Variants in USH2A observed in about 807,000 individuals in gnomAD.
USH2A encodes the protein usherin.
USH2A carries 443 observed loss-of-function variants against 538.9 expected under a neutral mutation model. The ratio of observed to expected loss-of-function variants is 0.82; its 90% confidence interval spans 0.76 to 0.89. The LOEUF (loss-of-function observed/expected upper bound fraction) is 0.89. Among genes scored for constraint, USH2A ranks in the 40% least tolerant of loss-of-function variants. The pLI is 0.00. For synonymous variants in USH2A, 2,413 were observed against 2,273.5 expected (o/e 1.06, Z -1.75); for missense variants, 6,633 against 6,324.8 (o/e 1.05, Z -1.65).
Position 215,965,923 on chromosome 1 carries a change from T to TCACACACACA in USH2A, c.6958-454_6958-445dup, listed in dbSNP as rs34484768. On this transcript the variant is annotated intron_variant, in intron 36 of 71. Coordinates refer to ENST00000307340, the MANE Select transcript of USH2A (RefSeq NM_206933.4). ...ATATCTTGACTCTCTCTCTTCTCTG[T>TCACACACACA]CACACACACACACACACACACACAC... Among the ~76,000 whole-genome samples, 502 of 142,554 alleles carry TCACACACACA rather than the reference T, an allele frequency of 3.5e-3. 1 individual carries two copies. The highest frequency in any genetic ancestry group is 0.01 in the Middle Eastern group (3 of 294). The allele number at this position is 142,554 out of a possible 152,430, so 93.5% of individuals were successfully genotyped here. A position where few individuals can be genotyped will look rare whatever the true frequency, so the allele number is the denominator to read the frequency against.
Position 216,078,299 on chromosome 1 carries a change from C to T in USH2A, c.5362G>A (p.Asp1788Asn). Residue 1788 changes from aspartate to asparagine, a missense_variant, in exon 27 of 72, where the codon GAT becomes AAT. Transcript: ENST00000307340. Reference sequence around the variant, plus strand: ...CAATAGGATAGCCCCAGCAATAGATCCACTTGTGTAAAGGCAAGACTGGTA... The same window carrying T: ...CAATAGGATAGCCCCAGCAATAGATTCACTTGTGTAAAGGCAAGACTGGTA... ...LNTSLAFTQV[D>N]LLLGLSYCNG... is the part of the protein sequence containing the mutation. The T allele has an allele frequency of 6.2e-7, 1 of 1,613,692 alleles. No homozygotes were observed. The highest frequency in any genetic ancestry group is 1.1e-5 in the South Asian group (1 of 91,076).
chr1:216,224,097 C>T (rs1309818062), intron 14 of USH2A, among the ~76,000 whole-genome samples: 1 of 152,090 alleles, frequency 6.6e-6, no homozygotes. Flanking sequence ...CTCCTTAAGG[C>T]TTAAAACAAG....
rs116818154 is a variant in USH2A at position 216,057,251 on chromosome 1, C to G, written c.6050-8604G>C. On this transcript the variant is annotated intron_variant, in intron 30 of 71. Coordinates refer to ENST00000307340, the MANE Select transcript of USH2A (RefSeq NM_206933.4). ...TATTAACTCATCAACACTGCATTAC[C>G]TAATGAAATCTTTCTACATTAGCTA... 4.9e-3 allele frequency among the ~76,000 whole-genome samples: 740 copies of G among 152,268 alleles called. 6 individuals are homozygous for G. The highest frequency in any genetic ancestry group is 0.016 in the African/African-American group (681 of 41,538).
rs560096420 is a variant in USH2A at position 216,014,232 on chromosome 1, C to T, written c.6326-13670G>A. Among the ~76,000 whole-genome samples, 13 of 151,562 alleles carry T rather than the reference C, an allele frequency of 8.6e-5. No homozygotes were observed. In the South Asian group the frequency reaches 1.0e-3, roughly 12 times the overall value. On this transcript the variant is annotated intron_variant, in intron 32 of 71. Coordinates refer to ENST00000307340, the MANE Select transcript of USH2A (RefSeq NM_206933.4). The stretch of plus-strand genomic sequence containing the variant: ...GAAGAGGAGGAGGCATCAGGTTGGG[C>T]GTGGGGGGAAGGAGTAGTCATGTGT...
chr1:215,916,915 A>G (rs1426691480), intron 38 of USH2A, among the ~76,000 whole-genome samples: 4 of 152,118 alleles, frequency 2.6e-5, no homozygotes, highest in Admixed American at 6.6e-5. Flanking sequence ...TCTGCAAGAC[A>G]ATTTCAGTGA....
chr1:216,195,495 G>A (rs1020318831), intron 19 of USH2A, among the ~76,000 whole-genome samples: 5 of 152,126 alleles, frequency 3.3e-5, no homozygotes, highest in East Asian at 1.9e-4. Context: ...ACAGCAGAGC[G>A]AAGAAATCCT....
chr1:216,049,037 A>G (rs986578489), intron 30 of USH2A, among the ~76,000 whole-genome samples: 5 of 152,142 alleles, frequency 3.3e-5, no homozygotes, highest in African/African-American at 1.2e-4. Flanking sequence ...ATTTTCTTTA[A>G]CCTAGCATTT....
In USH2A at chr1:216,333,417, C is replaced by T. The variant is rs555057213; in HGVS notation, c.785-5763G>A. On this transcript the variant is annotated intron_variant, in intron 4 of 71. Coordinates refer to ENST00000307340, the MANE Select transcript of USH2A (RefSeq NM_206933.4). ...GTCAATTGAGATTATTCAGTGTGAG[C>T]AATAGAAAGAGAAAGAATGTTGAGA... Among the ~76,000 whole-genome samples the T allele has an allele frequency of 1.4e-4, 22 of 151,894 alleles. No homozygotes were observed. In the South Asian group the frequency reaches 4.4e-3, roughly 30 times the overall value.
intron 14 of USH2A, among the ~76,000 whole-genome samples, chr1:216,230,153 G>T (rs1039157176): frequency 3.9e-5 from 6 of 152,102 alleles, no homozygotes; most frequent in Non-Finnish European, 8.8e-5. Flanking sequence ...TTTTTCTCCT[G>T]GTAAATGTGG....
Position 215,626,299 on chromosome 1 carries a change from C to CTA in USH2A, c.15520-431_15520-430dup, listed in dbSNP as rs539897950. ...CTATATATTTTAGTGTATATATACA[C>CTA]TATATATATATATGTATGTATGTAT... On this transcript the variant is annotated intron_variant, in intron 71 of 71. Coordinates refer to ENST00000307340, the MANE Select transcript of USH2A (RefSeq NM_206933.4). 7.9e-3 allele frequency among the ~76,000 whole-genome samples: 1,169 copies of CTA among 148,052 alleles called. 12 individuals are homozygous for CTA. Among genetic ancestry groups the CTA allele is most frequent in the African/African-American group, 0.011 (425 of 40,462 alleles).
Position 216,073,143 on chromosome 1 carries a change from C to G in USH2A, c.5730G>C (p.Gln1910His), listed in dbSNP as rs1024370749. 2 of 1,613,790 alleles carry G rather than the reference C, an allele frequency of 1.2e-6. No individual in the cohort carries two copies. Among genetic ancestry groups the G allele is most frequent in the Non-Finnish European group, 1.7e-6 (2 of 1,179,974 alleles). ...CRGNDSILVY[Q>H]GKEQSVYEGG... ...CCTCGTAAACACTCTGCTCTTTTCC[C>G]TGGTAAACCAGGATGGAGTCATTTC... The change falls in exon 28 of 72, where the codon CAG (glutamine) becomes CAC (histidine). Residue 1910 changes from glutamine to histidine, a missense_variant. Transcript: ENST00000307340.
At chr1:215,728,530 G>C in intron 60 of USH2A, 146 bp from the exon 61 acceptor site, 1 of 760,778 alleles carries the variant, frequency 1.3e-6, no homozygotes, top group Admixed American at 2.2e-5. Flanking sequence ...AGAAAAACCA[G>C]ATGGAGAAGT....
chr1:215,751,611 C>T (rs1354128695), intron 58 of USH2A, among the ~76,000 whole-genome samples: 1 of 152,206 alleles, frequency 6.6e-6, no homozygotes, highest in African/African-American at 2.4e-5. Context: ...TTCCATGAAG[C>T]ATTTGCTATT....
intron 35 of USH2A, 120 bp downstream of exon 35, chr1:215,992,900 G>C: frequency 6.8e-7 from 1 of 1,472,928 alleles, no homozygotes; most frequent in Non-Finnish European, 9.4e-7. Flanking sequence ...TACTATCTTA[G>C]GTATTTTATG....
At chr1:216,369,662 T>C (rs1218609039) in intron 3 of USH2A, among the ~76,000 whole-genome samples, 1 of 152,054 alleles carries the variant, frequency 6.6e-6, no homozygotes, top group African/African-American at 2.4e-5. Flanking sequence ...CCTCTAATCC[T>C]AGAACTTTGG....
intron 2 of USH2A, among the ~76,000 whole-genome samples, chr1:216,419,791 G>C (rs185988342): frequency 6.6e-6 from 1 of 151,972 alleles, no homozygotes; most frequent in African/African-American, 2.4e-5. Flanking sequence ...TGCTAAAGAT[G>C]GTTTAAAGCT....
intron 69 of USH2A, 29 bp downstream of exon 69, chr1:215,639,126 C>T: frequency 6.2e-7 from 1 of 1,605,608 alleles, no homozygotes; most frequent in Non-Finnish European, 8.5e-7. Flanking sequence ...TGAATAGGTG[C>T]TACGCCAAGT....
intron 9 of USH2A, among the ~76,000 whole-genome samples, chr1:216,306,201 C>T (rs992740443): frequency 1.3e-5 from 2 of 151,240 alleles, no homozygotes; most frequent in African/African-American, 4.8e-5. Flanking sequence ...AGGCCTTGTT[C>T]ATTTAATTTT....
At position 216,246,965 on chromosome 1, in the gene USH2A, G is replaced by A; in HGVS notation, c.2429C>T (p.Ala810Val). Residue 810 changes from alanine to valine, a missense_variant, in exon 13 of 72, where the codon GCT becomes GTT. Transcript: ENST00000307340. Reference protein sequence around the residue: ...AGSLPGTVCNAKTGQCICKPN... With the variant: ...AGSLPGTVCNVKTGQCICKPN... ...CTTGCAGATGCACTGCCCTGTCTTA[G>A]CATTACAGACAGTCCCAGGGAGGGA... 6.2e-7 allele frequency: 1 copy of A among 1,614,068 alleles called. No homozygotes were observed. The highest frequency in any genetic ancestry group is 8.5e-7 in the Non-Finnish European group (1 of 1,179,976).
Sources: gnomAD v4.1 joint callset for allele counts (sites outside exome capture counted in the v4.1 genomes callset) on GRCh38, gnomAD v4.1.1 for gene constraint, MANE v1.5 for transcripts, NCBI Gene and HGNC (gene_info 2026-07-23, HGNC 2026-07-21) for gene names.